The following DCC variants were observed in gnomAD, a reference collection of about 807,000 sequenced individuals.
The protein encoded by DCC is netrin receptor DCC.
DCC carries 58 observed loss-of-function variants against 172.5 expected under a neutral mutation model. The observed-to-expected ratio is 0.34, with a 90% CI of 0.27 to 0.42. DCC has a LOEUF of 0.42. Among genes scored for constraint, DCC ranks in the 10% least tolerant of loss-of-function variants. The pLI is 1.00. For synonymous variants in DCC, 709 were observed against 644.5 expected (o/e 1.10, Z -1.52); for missense variants, 1,740 against 1,791.0 (o/e 0.97, Z 0.51).
chr18:53,167,438 G>A (rs142923008), intron 8 of DCC, among the ~76,000 whole-genome samples: 4 of 152,022 alleles, frequency 2.6e-5, no homozygotes, highest in Non-Finnish European at 2.9e-5. Context: ...TCTCCATTAC[G>A]GATAATGAAA....
At chr18:53,161,209 G>A (rs2054833597) in intron 8 of DCC, among the ~76,000 whole-genome samples, 1 of 152,070 alleles carries the variant, frequency 6.6e-6, no homozygotes, top group Admixed American at 6.6e-5. Context: ...TTTGTTCCTA[G>A]AATGTAATAG....
At position 52,427,815 on chromosome 18, in the gene DCC, T is replaced by TCTTCCTTTCTTCCTTCCTTCCTTC. The variant is rs1987481106; in HGVS notation, c.91+86944_91+86945insTCTTCCTTCCTTCCTTCCTTCCTT. Among the ~76,000 whole-genome samples, 4 of 113,058 alleles carry TCTTCCTTTCTTCCTTCCTTCCTTC rather than the reference T, an allele frequency of 3.5e-5. 1 individual carries two copies. The highest frequency in any genetic ancestry group is 1.6e-4 in the African/African-American group (4 of 24,336). 74.2% of individuals were successfully genotyped at this position (113,058 alleles called of 152,430 possible). On this transcript the variant is annotated intron_variant, in intron 1 of 28. Transcript: ENST00000442544. ...GTAAACTAACTTTCTTTTCTTCCTT[T>TCTTCCTTTCTTCCTTCCTTCCTTC]CTTCCTTCCTTCCTTCCTTTCTTCC...
intron 2 of DCC, among the ~76,000 whole-genome samples, chr18:52,809,119 T>A (rs2038145403): frequency 6.6e-6 from 1 of 152,140 alleles, no homozygotes; most frequent in South Asian, 2.1e-4. Flanking sequence ...GCAGCAGGGA[T>A]CCAGAAGGAA....
At chr18:53,285,029 T>C (rs570892330) in intron 12 of DCC, among the ~76,000 whole-genome samples, 1 of 152,210 alleles carries the variant, frequency 6.6e-6, no homozygotes, top group African/African-American at 2.4e-5. Flanking sequence ...AGAGGTAACT[T>C]GGCTGCTCTC....
intron 2 of DCC, among the ~76,000 whole-genome samples, chr18:52,876,703 A>G (rs895173717): frequency 6.6e-6 from 1 of 152,208 alleles, no homozygotes; most frequent in African/African-American, 2.4e-5. Context: ...GTAAATGCAG[A>G]TTCTGACTGA....
chr18:52,752,916 C>T (rs2037019642), intron 2 of DCC, among the ~76,000 whole-genome samples: 2 of 152,080 alleles, frequency 1.3e-5, no homozygotes, highest in African/African-American at 4.8e-5. Context: ...TCTATGTTAT[C>T]ACAAATAACA....
chr18:53,173,062 T>G (rs1241460560), intron 8 of DCC, among the ~76,000 whole-genome samples: 2 of 152,152 alleles, frequency 1.3e-5, no homozygotes, highest in Non-Finnish European at 2.9e-5. Context: ...CATCTCCATG[T>G]GCTCAATCTC....
chr18:53,179,190 A>G (rs928817891), intron 9 of DCC, 74 bp downstream of exon 9: 3 of 1,447,422 alleles, frequency 2.1e-6, no homozygotes, highest in Non-Finnish European at 2.9e-6. Context: ...ATTCTTTCAC[A>G]GAACCTTTGC....
chr18:52,929,483 G>A (rs981617795), intron 5 of DCC, among the ~76,000 whole-genome samples: 2 of 152,088 alleles, frequency 1.3e-5, no homozygotes, highest in African/African-American at 4.8e-5. Context: ...GTAATGTAAT[G>A]ATCTTGACAA....
At chr18:53,145,105 CTTTTTTTTTTTTTT>C (rs57501246) in intron 7 of DCC, among the ~76,000 whole-genome samples, 3 of 36,908 alleles carry the variant, frequency 8.1e-5, no homozygotes, top group Admixed American at 1.1e-3. Context: ...GAGGGCTCTG[CTTTTTTTTTTTTTT>C]TTTTTTTTTT....
At chr18:52,512,145 T>G (rs1198802696) in intron 1 of DCC, among the ~76,000 whole-genome samples, 1 of 152,172 alleles carries the variant, frequency 6.6e-6, no homozygotes, top group East Asian at 1.9e-4. Flanking sequence ...AGAATGTGTG[T>G]AATAGATTAG....
At chr18:53,042,733 G>T (rs1419386474) in intron 5 of DCC, among the ~76,000 whole-genome samples, 1 of 151,992 alleles carries the variant, frequency 6.6e-6, no homozygotes, top group Non-Finnish European at 1.5e-5. Flanking sequence ...GGTCATTACA[G>T]AAATGCAAAT....
chr18:52,427,277 T>A (rs1305638384), intron 1 of DCC, among the ~76,000 whole-genome samples: 2 of 152,148 alleles, frequency 1.3e-5, no homozygotes, highest in Admixed American at 6.6e-5. Flanking sequence ...TGAGATCTGC[T>A]AATGTTCGTT....
chr18:52,843,757 A>G (rs1214964474), intron 2 of DCC, among the ~76,000 whole-genome samples: 1 of 152,212 alleles, frequency 6.6e-6, no homozygotes. Flanking sequence ...TAATTGTGTC[A>G]ACTGCTTATG....
At chr18:53,499,219 T>G in intron 26 of DCC, 79 bp from the exon 27 acceptor site, 2 of 1,397,038 alleles carry the variant, frequency 1.4e-6, no homozygotes, top group Non-Finnish European at 1.0e-6. Context: ...TCTGAATGGA[T>G]GCAGGGACTG....
chr18:52,823,227 G>T (rs1210887288), intron 2 of DCC, among the ~76,000 whole-genome samples: 1 of 152,000 alleles, frequency 6.6e-6, no homozygotes, highest in Non-Finnish European at 1.5e-5. Flanking sequence ...CCAGTACTTT[G>T]GGAGGCTGAG....
chr18:53,180,725 A>G (rs2055182361), intron 9 of DCC, among the ~76,000 whole-genome samples: 1 of 152,080 alleles, frequency 6.6e-6, no homozygotes, highest in Non-Finnish European at 1.5e-5. Context: ...GTGCAGTGGC[A>G]CAATCGCGGC....
At chr18:52,921,163 C>T (rs1265068721) in intron 3 of DCC, among the ~76,000 whole-genome samples, 1 of 151,964 alleles carries the variant, frequency 6.6e-6, no homozygotes, top group Non-Finnish European at 1.5e-5. Context: ...TAAATAATGT[C>T]AGCTATGGAC....
intron 1 of DCC, among the ~76,000 whole-genome samples, chr18:52,688,927 T>TAAG (rs1249019943): frequency 2.6e-5 from 4 of 152,272 alleles, no homozygotes; most frequent in African/African-American, 9.6e-5. Context: ...CAGTAAATCC[T>TAAG]AAGTACAGAA....
Sources: gnomAD v4.1 joint callset for allele counts (sites outside exome capture counted in the v4.1 genomes callset) on GRCh38, gnomAD v4.1.1 for gene constraint, MANE v1.5 for transcripts, NCBI Gene and HGNC (gene_info 2026-07-23, HGNC 2026-07-21) for gene names.